ABHD18: variants seen among roughly 807,000 people sequenced by gnomAD.
ABHD18 encodes cardiolipin-specific deacylase, mitochondrial.
In ABHD18, 55 loss-of-function variants were observed where a neutral mutation model predicts 65.9. The observed-to-expected ratio is 0.84, with a 90% CI of 0.67 to 1.05. The LOEUF is 1.05. Ranked by LOEUF, ABHD18 falls within the 50% of genes least tolerant of loss-of-function variation. The pLI is 0.00. For synonymous variants in ABHD18, 181 were observed against 180.2 expected (o/e 1.00, Z -0.04); for missense variants, 533 against 558.5 (o/e 0.95, Z 0.46).
chr4:128,029,601 A>T (rs1401572803), intron 11 of ABHD18, among the ~76,000 whole-genome samples: 1 of 152,202 alleles, frequency 6.6e-6, no homozygotes, highest in Non-Finnish European at 1.5e-5. Context: ...AGGCGGGTGG[A>T]TCACTTGAGG....
At chr4:127,973,253 C>T (rs1466193757) in intron 1 of ABHD18, among the ~76,000 whole-genome samples, 1 of 152,274 alleles carries the variant, frequency 6.6e-6, no homozygotes, top group African/African-American at 2.4e-5. Context: ...TGGACTCAAG[C>T]GGTCCTCTCA....
intron 1 of ABHD18, among the ~76,000 whole-genome samples, chr4:127,980,424 C>T (rs1000035346): frequency 9.9e-6 from 1 of 100,782 alleles, no homozygotes; most frequent in Admixed American, 1.2e-4. Context: ...CAAAACAGAG[C>T]AAGACAGTGT....
At chr4:127,985,866 G>A (rs1447895279) in intron 3 of ABHD18, among the ~76,000 whole-genome samples, 6 of 152,044 alleles carry the variant, frequency 3.9e-5, no homozygotes, top group Non-Finnish European at 1.5e-5. Flanking sequence ...AATTAGCTGG[G>A]CATGGTGGCA....
rs771920975 is a variant in ABHD18 at position 128,015,029 on chromosome 4, A to G, written c.471-2334A>G. 4.3e-4 allele frequency among the ~76,000 whole-genome samples: 65 copies of G among 151,500 alleles called. 1 individual carries two copies. The highest frequency in any genetic ancestry group is 4.1e-4 in the Non-Finnish European group (28 of 67,952). On this transcript the variant is annotated intron_variant, in intron 7 of 12. Coordinates refer to ENST00000645843, the MANE Select transcript of ABHD18 (RefSeq NM_001358451.3). ...GAGGCAGAGGTTGCAGTGAGCCAAG[A>G]TCGCCCCATTGCACTCCAGCTTGAG... is the stretch of plus-strand genomic sequence containing the variant.
Position 128,028,457 on chromosome 4 carries a change from T to C in ABHD18, c.802-18T>C. ...TATTTTATATTAAATAATGTTTTCT[T>C]TCCTTTCATATGTTCAGACAGATTC... On this transcript the variant is annotated intron_variant, in intron 10 of 12. Transcript: ENST00000645843. 1 of 1,457,276 alleles carries C rather than the reference T, an allele frequency of 6.9e-7. No homozygotes were observed. The highest frequency in any genetic ancestry group is 9.0e-7 in the Non-Finnish European group (1 of 1,106,178). 90.3% of individuals were successfully genotyped at this position (1,457,276 alleles called of 1,614,324 possible). A position where few individuals can be genotyped will look rare whatever the true frequency, so the allele number is the denominator to read the frequency against.
chr4:127,973,393 C>T (rs1747229982), intron 1 of ABHD18, among the ~76,000 whole-genome samples: 1 of 151,760 alleles, frequency 6.6e-6, no homozygotes, highest in Non-Finnish European at 1.5e-5. Flanking sequence ...TTTTTTTTCC[C>T]CCTTACTGGT....
intron 4 of ABHD18, among the ~76,000 whole-genome samples, chr4:127,990,060 G>A (rs996548120): frequency 2.6e-5 from 4 of 152,140 alleles, no homozygotes; most frequent in Admixed American, 6.6e-5. Context: ...AACAATAGGC[G>A]ATTAATTATC....
chr4:128,008,875 C>G, intron 4 of ABHD18, 45 bp from the exon 5 acceptor site: 1 of 1,375,192 alleles, frequency 7.3e-7, no homozygotes, highest in Non-Finnish European at 9.9e-7. Context: ...TATTGAAAGT[C>G]CTTTAAAGAG....
intron 3 of ABHD18, among the ~76,000 whole-genome samples, chr4:127,986,009 G>A (rs1336606675): frequency 3.3e-5 from 5 of 151,816 alleles, no homozygotes; most frequent in Admixed American, 6.6e-5. Context: ...GCTAGACTCC[G>A]TCTCAAAGAA....
rs70966065 is a variant in ABHD18, at chr4:127,966,702, C to CAAAAAAAAAAAAAAAAAAAAAAA, written c.-18+1110_-18+1132dup. ...TGAAACCCCGTCTCTACTAAAAATA[C>CAAAAAAAAAAAAAAAAAAAAAAA]AAAAAAAAAAAAAAAAAAAAAAAAA... On this transcript the variant is annotated intron_variant, in intron 1 of 12. Transcript: ENST00000645843. 2.3e-4 allele frequency among the ~76,000 whole-genome samples: 5 copies of CAAAAAAAAAAAAAAAAAAAAAAA among 21,518 alleles called. 2 individuals are homozygous for CAAAAAAAAAAAAAAAAAAAAAAA. The highest frequency in any genetic ancestry group is 3.6e-4 in the African/African-American group (2 of 5,624). 14.1% of individuals were successfully genotyped at this position (21,518 alleles called of 152,430 possible).
At chr4:128,001,790 CT>C (rs765009193) in intron 4 of ABHD18, 3 of 1,531,670 alleles carry the variant, frequency 2.0e-6, no homozygotes, top group South Asian at 2.5e-5. Context: ...TCTCTAGAAA[CT>C]TTTGTGGTCT....
At chr4:128,005,455 A>C (rs754503315) in intron 4 of ABHD18, among the ~76,000 whole-genome samples, 13 of 151,848 alleles carry the variant, frequency 8.6e-5, no homozygotes, top group Admixed American at 2.6e-4. Flanking sequence ...ACTTGTATGC[A>C]TTTTTCTTTC....
At chr4:128,021,689 C>T (rs1380657516) in intron 10 of ABHD18, among the ~76,000 whole-genome samples, 1 of 152,070 alleles carries the variant, frequency 6.6e-6, no homozygotes, top group African/African-American at 2.4e-5. Context: ...TAAAATAAAA[C>T]ACAGATACAG....
At chr4:127,967,121 G>A (rs1191142883) in intron 1 of ABHD18, among the ~76,000 whole-genome samples, 2 of 151,834 alleles carry the variant, frequency 1.3e-5, no homozygotes, top group East Asian at 3.8e-4. Context: ...GGCTAGCAAT[G>A]TATGGCACAT....
chr4:127,984,191 C>T (rs565484734), intron 2 of ABHD18, 148 bp from the exon 3 acceptor site: 4 of 475,132 alleles, frequency 8.4e-6, no homozygotes, highest in Middle Eastern at 5.9e-4. Flanking sequence ...ACAGCCTAAT[C>T]GCTTCAGTGA....
Position 127,984,241 on chromosome 4 carries a change from C to T in ABHD18, c.93-98C>T, listed in dbSNP as rs1263345954. On this transcript the variant is annotated intron_variant, in intron 2 of 12. Transcript: ENST00000645843. ...TAATATGGCTTATGAACTGGATTTGCTAATTTTTAATTACTGTTAATCAGT... is the reference window on the plus strand; with the variant it reads ...TAATATGGCTTATGAACTGGATTTGTTAATTTTTAATTACTGTTAATCAGT... 3 of 621,706 alleles carry T rather than the reference C, an allele frequency of 4.8e-6. No homozygotes were observed. In the East Asian group the frequency reaches 8.7e-5, roughly 18 times the overall value. The allele number at this position is 621,706 out of a possible 1,614,324, so 38.5% of individuals were successfully genotyped here. A position where few individuals can be genotyped will look rare whatever the true frequency, so the allele number is the denominator to read the frequency against.
rs70966065 is a variant in ABHD18, at chr4:127,966,702, C to CAAAAAAAAAAAAAAAAAAAAAAAAAA, written c.-18+1107_-18+1132dup. 1.9e-4 allele frequency among the ~76,000 whole-genome samples: 4 copies of CAAAAAAAAAAAAAAAAAAAAAAAAAA among 21,518 alleles called. 1 individual carries two copies. Among genetic ancestry groups the CAAAAAAAAAAAAAAAAAAAAAAAAAA allele is most frequent in the African/African-American group, 3.6e-4 (2 of 5,624 alleles). The allele number at this position is 21,518 out of a possible 152,430, so 14.1% of individuals were successfully genotyped here. A position where few individuals can be genotyped will look rare whatever the true frequency, so the allele number is the denominator to read the frequency against. ...TGAAACCCCGTCTCTACTAAAAATACAAAAAAAAAAAAAAAAAAAAAAAAA... is the reference window on the plus strand; with the variant it reads ...TGAAACCCCGTCTCTACTAAAAATACAAAAAAAAAAAAAAAAAAAAAAAAAAAAAAAAAAAAAAAAAAAAAAAAAAA... On this transcript the variant is annotated intron_variant, in intron 1 of 12. Transcript: ENST00000645843.
At chr4:128,007,091 G>A (rs1029793173) in intron 4 of ABHD18, among the ~76,000 whole-genome samples, 2 of 152,102 alleles carry the variant, frequency 1.3e-5, no homozygotes, top group Non-Finnish European at 2.9e-5. Flanking sequence ...GTTGCAGTGA[G>A]CCAAGATCAT....
At chr4:127,977,352 AT>A (rs1748150018) in intron 1 of ABHD18, among the ~76,000 whole-genome samples, 1 of 152,052 alleles carries the variant, frequency 6.6e-6, no homozygotes, top group African/African-American at 2.4e-5. Flanking sequence ...CATGCCTGTA[AT>A]CCCAGCTACT....
Sources: gnomAD v4.1 joint callset for allele counts (sites outside exome capture counted in the v4.1 genomes callset) on GRCh38, gnomAD v4.1.1 for gene constraint, MANE v1.5 for transcripts, NCBI Gene and HGNC (gene_info 2026-07-23, HGNC 2026-07-21) for gene names.